Variants in HMCN2 observed in about 807,000 individuals in gnomAD.
The protein encoded by HMCN2 is hemicentin 2.
HMCN2 carries 325 observed loss-of-function variants against 377.5 expected under a neutral mutation model. The ratio of observed to expected loss-of-function variants is 0.86; its 90% confidence interval spans 0.79 to 0.94. The LOEUF (loss-of-function observed/expected upper bound fraction) is 0.94. Ranked by LOEUF, HMCN2 falls within the 40% of genes least tolerant of loss-of-function variation. The pLI, the probability that HMCN2 is intolerant of heterozygous loss-of-function variation, is 0.00. For synonymous variants in HMCN2, 2,007 were observed against 2,046.8 expected (o/e 0.98, Z 0.53); for missense variants, 4,543 against 4,725.3 (o/e 0.96, Z 1.13).
chr9:130,430,963 G>A, intron 95 of HMCN2: 1 of 292,610 alleles, frequency 3.4e-6, no homozygotes. Context: ...GGGTGAAGGA[G>A]AATGTTCCAG....
At chr9:130,387,439 T>G (rs557231495) in intron 61 of HMCN2, among the ~76,000 whole-genome samples, 1 of 152,200 alleles carries the variant, frequency 6.6e-6, no homozygotes, top group African/African-American at 2.4e-5. Context: ...GTGTTGTTCT[T>G]GTGCATATGG....
intron 1 of HMCN2, among the ~76,000 whole-genome samples, chr9:130,281,597 C>CA (rs34694457): frequency 3.1e-4 from 46 of 148,252 alleles, no homozygotes; most frequent in Admixed American, 1.1e-3. Flanking sequence ...GACTCAGTCT[C>CA]AAAAAAAAAA....
At chr9:130,329,485 C>CTTCCCCT (rs1838308053) in intron 22 of HMCN2, among the ~76,000 whole-genome samples, 3 of 147,216 alleles carry the variant, frequency 2.0e-5, no homozygotes, top group Admixed American at 6.9e-5. Context: ...ACTCTGTTGC[C>CTTCCCCT]AGGCTGGAGT....
chr9:130,369,928 G>A lies in HMCN2; in HGVS notation c.7069+77G>A, dbSNP rs768827078. 4.2e-5 allele frequency: 36 copies of A among 860,922 alleles called. No individual in the cohort carries two copies. Among genetic ancestry groups the A allele is most frequent in the Non-Finnish European group, 4.7e-5 (34 of 716,376 alleles). 53.3% of individuals were successfully genotyped at this position (860,922 alleles called of 1,614,324 possible). A position where few individuals can be genotyped will look rare whatever the true frequency, so the allele number is the denominator to read the frequency against. ...CAAGGTGGGTTCAATCTCCAGGCAC[G>A]GCCCTCAGGCTGTGATCCTGGGGTC... On this transcript the variant is annotated intron_variant, in intron 45 of 97. Transcript: ENST00000683500. This position sits in a 1 kb window ranked among gnomAD's most constrained non-coding sequence, Gnocchi z 4.5.
At chr9:130,415,630 C>T (rs1037207293) in intron 85 of HMCN2, among the ~76,000 whole-genome samples, 2 of 152,240 alleles carry the variant, frequency 1.3e-5, no homozygotes, top group East Asian at 1.9e-4. Context: ...CTCAGCAAAA[C>T]GTGGCTGTGG....
intron 55 of HMCN2, 30 bp from the exon 56 acceptor site, chr9:130,382,634 CAGGGACCTGTGCCAG>C: frequency 1.3e-6 from 1 of 747,492 alleles, no homozygotes; most frequent in Non-Finnish European, 1.6e-6. Flanking sequence ...CCCCCGCCCC[CAGGGACCTGTGCCAG>C]CCCCTCAGCC....
In HMCN2 at chr9:130,430,297, C is replaced by T; in HGVS notation, c.14340C>T (p.Cys4780=). ...ACCCGTCTGCAGATGTCAATGAGTGCCTGCAGCTGCCCAAGGCCTGCGCCT... is the reference window on the plus strand; with the variant it reads ...ACCCGTCTGCAGATGTCAATGAGTGTCTGCAGCTGCCCAAGGCCTGCGCCT... ...PSLPCLDVNE[C]LQLPKACAYQ... The change falls in exon 95 of 98, where the codon TGC becomes TGT. Residue 4780 remains cysteine, a synonymous_variant. Coordinates refer to ENST00000683500, the MANE Select transcript of HMCN2 (RefSeq NM_001291815.2). The T allele has an allele frequency of 6.5e-7, 1 of 1,539,612 alleles. No individual in the cohort carries two copies. The highest frequency in any genetic ancestry group is 1.2e-5 in the South Asian group (1 of 83,946).
At chr9:130,392,864 C>T (rs150623252) in intron 66 of HMCN2, among the ~76,000 whole-genome samples, 11,504 of 151,794 alleles carry the variant, frequency 0.076, 595 homozygotes, top group African/African-American at 0.15. Flanking sequence ...GGCCTGGTGG[C>T]GGGCGCCTGT....
chr9:130,412,804 T>A (rs1324141166), intron 85 of HMCN2, among the ~76,000 whole-genome samples: 1 of 152,170 alleles, frequency 6.6e-6, no homozygotes, highest in Non-Finnish European at 1.5e-5. Flanking sequence ...CTCGAACTCC[T>A]GGCCTCAAGC....
intron 89 of HMCN2, 61 bp from the exon 90 acceptor site, chr9:130,425,626 C>T: frequency 1.7e-6 from 2 of 1,157,944 alleles, no homozygotes; most frequent in Non-Finnish European, 2.5e-6. Flanking sequence ...CCCTTCCAAC[C>T]CTGACCCCTT....
rs950563360 is a variant in HMCN2, at chr9:130,349,600, T to C, written c.4367T>C (p.Val1456Ala). The change falls in exon 29 of 98, where the codon GTG becomes GCG. Residue 1456 changes from valine (V) to alanine (A), a missense_variant. Val to Ala is a moderately conservative substitution (Grantham distance 64). Coordinates refer to ENST00000683500, the MANE Select transcript of HMCN2 (RefSeq NM_001291815.2). ...GTGCTAGGATTGGCCGGTGCAGACG[T>C]GGAGCTGCAGTGTTGGACCTCAGGG... ...QEVLGLAGADVELQCWTSGVP... is the reference protein window; with the variant it reads ...QEVLGLAGADAELQCWTSGVP... 16 of 1,303,886 alleles carry C rather than the reference T, an allele frequency of 1.2e-5. No individual in the cohort carries two copies. The highest frequency in any genetic ancestry group is 1.3e-5 in the Non-Finnish European group (13 of 988,844). The allele number at this position is 1,303,886 out of a possible 1,614,324, so 80.8% of individuals were successfully genotyped here. A position where few individuals can be genotyped will look rare whatever the true frequency, so the allele number is the denominator to read the frequency against.
chr9:130,369,212 C>T lies in HMCN2; in HGVS notation c.6788-358C>T, dbSNP rs1412155876. Among the ~76,000 whole-genome samples the T allele has an allele frequency of 1.3e-5, 2 of 152,232 alleles. No homozygotes were observed. Among genetic ancestry groups the T allele is most frequent in the Non-Finnish European group, 2.9e-5 (2 of 68,046 alleles). ...TCCTGCTAGAAAATAAAACCAGGAA[C>T]AGTGCTGTTCAACATCTTGAGGAGA... is the stretch of plus-strand genomic sequence containing the variant. On this transcript the variant is annotated intron_variant, in intron 44 of 97. Transcript: ENST00000683500. The surrounding 1 kb of genome is among the most constrained non-coding windows in gnomAD (Gnocchi z 4.5).
intron 22 of HMCN2, among the ~76,000 whole-genome samples, chr9:130,330,741 C>T (rs1165718522): frequency 2.0e-5 from 3 of 152,120 alleles, no homozygotes; most frequent in Non-Finnish European, 4.4e-5. Context: ...AATTAAACCT[C>T]GTGCATCTTA....
rs971376535 is a variant in HMCN2, at chr9:130,428,161, G to C, written c.14066-197G>C. ...GGAAGCTGCAGGCCCAAGGACTCGG[G>C]TCCCTTGGAGTGGGCCCTATGTTTT... On this transcript the variant is annotated intron_variant, in intron 92 of 97. Coordinates refer to ENST00000683500, the MANE Select transcript of HMCN2 (RefSeq NM_001291815.2). This position sits in a 1 kb window ranked among gnomAD's most constrained non-coding sequence, Gnocchi z 5.0. 6.6e-6 allele frequency among the ~76,000 whole-genome samples: 1 copy of C among 152,210 alleles called. No individual in the cohort carries two copies. Among genetic ancestry groups the C allele is most frequent in the African/African-American group, 2.4e-5 (1 of 41,442 alleles).
intron 15 of HMCN2, 73 bp downstream of exon 15, chr9:130,310,134 G>T (rs1035426542): frequency 6.9e-6 from 3 of 432,572 alleles, no homozygotes; most frequent in Non-Finnish European, 1.4e-5. Flanking sequence ...TCTGAGTAGG[G>T]AGGGGAAGCT....
Position 130,382,182 on chromosome 9 carries a change from A to C in HMCN2, c.8432-2A>C, listed in dbSNP as rs1841763341. 5 of 985,322 alleles carry C rather than the reference A, an allele frequency of 5.1e-6. No homozygotes were observed. The highest frequency in any genetic ancestry group is 6.0e-6 in the Non-Finnish European group (5 of 829,582). 61.0% of individuals were successfully genotyped at this position (985,322 alleles called of 1,614,324 possible). A position where few individuals can be genotyped will look rare whatever the true frequency, so the allele number is the denominator to read the frequency against. On this transcript the variant is annotated splice_acceptor_variant, in intron 54 of 97. Coordinates refer to ENST00000683500, the MANE Select transcript of HMCN2 (RefSeq NM_001291815.2). LOFTEE classifies it high-confidence loss of function. ...CCAGGCCTCTGTCCCGTGTCCCTGC[A>C]GGAGGCCGGGTCCTGCAGATCCCCC...
rs1841573570 is a variant in HMCN2 at position 130,379,380 on chromosome 9, G to C, written c.8344G>C (p.Asp2782His). 2 of 985,674 alleles carry C rather than the reference G, an allele frequency of 2.0e-6. No homozygotes were observed. The highest frequency in any genetic ancestry group is 2.4e-6 in the Non-Finnish European group (2 of 829,946). 61.1% of individuals were successfully genotyped at this position (985,674 alleles called of 1,614,324 possible). A position where few individuals can be genotyped will look rare whatever the true frequency, so the allele number is the denominator to read the frequency against. The change falls in exon 54 of 98, where the codon GAC becomes CAC. Residue 2782 changes from aspartate to histidine, a missense_variant. Asp to His is a moderately conservative substitution (Grantham distance 81). Transcript: ENST00000683500. ...VENNPAYLYC[D>H]TNAIPPPDLT... ...GAACAACCCAGCCTACCTGTACTGC[G>C]ACACCAACGCGATCCCACCCCCGGA... is the stretch of plus-strand genomic sequence containing the variant.
Position 130,393,281 on chromosome 9 carries a change from G to A in HMCN2, c.10206G>A (p.Ala3402=), listed in dbSNP as rs976196554. ...TCVAASPAGV[A]DRNFTLQVQV... ...TGGCCGCAAGCCCAGCTGGCGTGGC[G>A]GACAGGAACTTCACCTTGCAGGTGC... Residue 3402 remains alanine (A), a synonymous_variant, in exon 67 of 98, where the codon GCG becomes GCA. Transcript: ENST00000683500. The surrounding 1 kb of genome is among the most constrained non-coding windows in gnomAD (Gnocchi z 5.2). The A allele has an allele frequency of 1.4e-5, 14 of 988,418 alleles. No homozygotes were observed. In the East Asian group the frequency reaches 3.4e-4, roughly 24 times the overall value. 61.2% of individuals were successfully genotyped at this position (988,418 alleles called of 1,614,324 possible). A position where few individuals can be genotyped will look rare whatever the true frequency, so the allele number is the denominator to read the frequency against.
chr9:130,353,598 C>T (rs1172566782), intron 31 of HMCN2, among the ~76,000 whole-genome samples: 1 of 152,224 alleles, frequency 6.6e-6, no homozygotes, highest in Non-Finnish European at 1.5e-5. Flanking sequence ...CTCATTTGAT[C>T]AGCTGGCAAA....
Sources: gnomAD v4.1 joint callset for allele counts (sites outside exome capture counted in the v4.1 genomes callset) on GRCh38, gnomAD v4.1.1 for gene constraint, Gnocchi (gnomAD v3.1) non-coding constraint, MANE v1.5 for transcripts, NCBI Gene and HGNC (gene_info 2026-07-23, HGNC 2026-07-21) for gene names.